The following CACNB2 variants were observed in gnomAD, a reference collection of about 807,000 sequenced individuals.
CACNB2 encodes the protein calcium voltage-gated channel auxiliary subunit beta 2.
CACNB2 carries 42 observed loss-of-function variants against 73.3 expected under a neutral mutation model. The observed-to-expected ratio is 0.57, with a 90% CI of 0.45 to 0.74. The LOEUF is 0.74. Ranked by LOEUF, CACNB2 falls within the 30% of genes least tolerant of loss-of-function variation. CACNB2 has a pLI of 0.00. For synonymous variants in CACNB2, 348 were observed against 310.3 expected (o/e 1.12, Z -1.28); for missense variants, 940 against 853.0 (o/e 1.10, Z -1.27).
chr10:18,322,761 G>A (rs1363157139), intron 2 of CACNB2, among the ~76,000 whole-genome samples: 1 of 152,048 alleles, frequency 6.6e-6, no homozygotes, highest in East Asian at 1.9e-4. Flanking sequence ...AGAGACCACA[G>A]CTGGCTAAGT....
At chr10:18,437,943 A>G (rs1456090915) in intron 3 of CACNB2, among the ~76,000 whole-genome samples, 4 of 149,068 alleles carry the variant, frequency 2.7e-5, no homozygotes, top group Non-Finnish European at 4.4e-5. Context: ...TTAGAAATGT[A>G]TTAAAACTCA....
intron 1 of CACNB2, chr10:18,141,190 G>C (rs1386117942): frequency 1.9e-5 from 30 of 1,543,788 alleles, no homozygotes; most frequent in Non-Finnish European, 2.5e-5. Flanking sequence ...ATGAATCAGG[G>C]GAGTGGACTG....
At chr10:18,231,324 G>A (rs2131449303) in intron 2 of CACNB2, among the ~76,000 whole-genome samples, 1 of 152,260 alleles carries the variant, frequency 6.6e-6, no homozygotes, top group East Asian at 1.9e-4. Context: ...TTACAGGCAG[G>A]CGCCACCACA....
At chr10:18,462,469 G>C (rs955612428) in intron 3 of CACNB2, among the ~76,000 whole-genome samples, 11 of 152,054 alleles carry the variant, frequency 7.2e-5, no homozygotes. Context: ...GCCCAGGCTG[G>C]CCTCATAATT....
At chr10:18,342,600 A>G (rs1020072662) in intron 2 of CACNB2, among the ~76,000 whole-genome samples, 4 of 152,170 alleles carry the variant, frequency 2.6e-5, no homozygotes, top group Non-Finnish European at 5.9e-5. Flanking sequence ...TTTGTTTCCT[A>G]TGGCCTGGCT....
intron 2 of CACNB2, among the ~76,000 whole-genome samples, chr10:18,253,510 C>A (rs2037168414): frequency 6.6e-6 from 1 of 152,018 alleles, no homozygotes; most frequent in African/African-American, 2.4e-5. Flanking sequence ...TGTTATCATC[C>A]TAGATTTGTT....
At chr10:18,312,602 T>G (rs1385637204) in intron 2 of CACNB2, among the ~76,000 whole-genome samples, 1 of 152,176 alleles carries the variant, frequency 6.6e-6, no homozygotes, top group Non-Finnish European at 1.5e-5. Flanking sequence ...AGGTGTGGGG[T>G]GGCAGGATGC....
chr10:18,198,614 G>A (rs1447812440), intron 2 of CACNB2, among the ~76,000 whole-genome samples: 1 of 152,144 alleles, frequency 6.6e-6, no homozygotes, highest in Non-Finnish European at 1.5e-5. Context: ...CTCTGTTCAA[G>A]CAATCCCATT....
chr10:18,266,990 T>C (rs962234453), intron 2 of CACNB2, among the ~76,000 whole-genome samples: 1 of 152,178 alleles, frequency 6.6e-6, no homozygotes. Context: ...TATGTGTGTA[T>C]ATATACTATG....
intron 2 of CACNB2, among the ~76,000 whole-genome samples, chr10:18,375,699 AT>A: frequency 6.6e-6 from 1 of 152,326 alleles, no homozygotes; most frequent in Non-Finnish European, 1.5e-5. Context: ...ATGTTTATTC[AT>A]ACATCTGAAG....
chr10:18,328,360 T>C (rs1382541491), intron 2 of CACNB2, among the ~76,000 whole-genome samples: 6 of 152,214 alleles, frequency 3.9e-5, no homozygotes, highest in Non-Finnish European at 8.8e-5. Flanking sequence ...TAAAGCTCCC[T>C]GTGATTCCAC....
chr10:18,285,497 A>G (rs1252593604), intron 2 of CACNB2, among the ~76,000 whole-genome samples: 2 of 152,210 alleles, frequency 1.3e-5, no homozygotes, highest in Admixed American at 1.3e-4. Context: ...TAAGATATCC[A>G]GCTAAGGCTT....
At chr10:18,219,530 G>A (rs1813517) in intron 2 of CACNB2, among the ~76,000 whole-genome samples, 1 of 152,018 alleles carries the variant, frequency 6.6e-6, no homozygotes, top group African/African-American at 2.4e-5. Flanking sequence ...CCTGGGACAA[G>A]TTGTCCAGCA....
chr10:18,163,177 T>C (rs755010147), intron 2 of CACNB2, among the ~76,000 whole-genome samples: 17 of 152,214 alleles, frequency 1.1e-4, no homozygotes, highest in African/African-American at 3.9e-4. Flanking sequence ...ATGCTGACCA[T>C]GTGCTAGCTA....
chr10:18,219,772 A>ATT (rs55812855), intron 2 of CACNB2, among the ~76,000 whole-genome samples: 13 of 137,532 alleles, frequency 9.5e-5, no homozygotes, highest in African/African-American at 1.3e-4. Flanking sequence ...CAAATCTTTC[A>ATT]TTTTTTTTTT....
intron 12 of CACNB2, among the ~76,000 whole-genome samples, chr10:18,537,302 A>G (rs1337165544): frequency 6.6e-6 from 1 of 152,014 alleles, no homozygotes; most frequent in Admixed American, 6.6e-5. Context: ...TTTCTTTTTA[A>G]GCATAGCCAT....
intron 3 of CACNB2, among the ~76,000 whole-genome samples, chr10:18,445,956 C>T (rs190000033): frequency 2.0e-4 from 30 of 152,308 alleles, no homozygotes; most frequent in Admixed American, 1.4e-3. Context: ...ATCGCTTGAA[C>T]CCAGGAGGAG....
In CACNB2 at chr10:18,421,228, A is replaced by AT. The variant is rs11333043; in HGVS notation, c.333+19197dup. Among the ~76,000 whole-genome samples the AT allele has an allele frequency of 8.3e-3, 1,245 of 150,398 alleles. 13 individuals carry two copies. Among genetic ancestry groups the AT allele is most frequent in the African/African-American group, 0.029 (1,171 of 41,050 alleles). ...TTCTTTAAATTTCTCTGAAATACAT[A>AT]TTTTTTTTTTTTGTTTCCTTGGCTG... On this transcript the variant is annotated intron_variant, in intron 3 of 13. Transcript: ENST00000324631.
chr10:18,194,433 T>G (rs2034541141), intron 2 of CACNB2, among the ~76,000 whole-genome samples: 1 of 152,106 alleles, frequency 6.6e-6, no homozygotes, highest in South Asian at 2.1e-4. Context: ...GATTCTAGAA[T>G]CTTCTAGAAG....
Sources: gnomAD v4.1 joint callset for allele counts (sites outside exome capture counted in the v4.1 genomes callset) on GRCh38, gnomAD v4.1.1 for gene constraint, MANE v1.5 for transcripts, NCBI Gene and HGNC (gene_info 2026-07-23, HGNC 2026-07-21) for gene names.